The following ZFYVE28 variants were observed in gnomAD, a reference collection of about 807,000 sequenced individuals.
ZFYVE28 encodes the protein zinc finger FYVE-type containing 28, also known as lateral signaling target protein 2 homolog.
In ZFYVE28, 40 loss-of-function variants were observed where a neutral mutation model predicts 82.1. The observed-to-expected ratio is 0.49, with a 90% confidence interval of 0.38 to 0.63. The LOEUF is 0.63. Among genes scored for constraint, ZFYVE28 ranks in the 30% least tolerant of loss-of-function variants. The pLI is 0.00. For missense variants in ZFYVE28, 1,321 were observed against 1,242.1 expected, an observed-to-expected ratio of 1.06 and a Z score of -0.96; for synonymous variants, 612 against 546.1, an observed-to-expected ratio of 1.12 and a Z score of -1.68.
At chr4:2,347,527 G>A (rs1021163763) in intron 2 of ZFYVE28, among the ~76,000 whole-genome samples, 1 of 152,108 alleles carries the variant, frequency 6.6e-6, no homozygotes, top group East Asian at 1.9e-4. Context: ...CATGAAACAA[G>A]CCTCAATACG....
At chr4:2,383,281 GTTCCCCCATAC>G (rs1368770963) in intron 1 of ZFYVE28, among the ~76,000 whole-genome samples, 2 of 152,006 alleles carry the variant, frequency 1.3e-5, no homozygotes, top group Non-Finnish European at 2.9e-5. Context: ...CATAGGGGTG[GTTCCCCCATAC>G]TGTTCTCATG....
In ZFYVE28 at chr4:2,409,655, G is replaced by A. The variant is rs562954216; in HGVS notation, c.39+8630C>T. Among the ~76,000 whole-genome samples the A allele has an allele frequency of 6.6e-5, 10 of 152,264 alleles. No individual in the cohort carries two copies. The highest frequency in any genetic ancestry group is 1.2e-4 in the African/African-American group (5 of 41,472). ...AGATTCCCACTGAGCAGCCCATGCC[G>A]GCGCTGTGAGAAGGCTGAGTCCAGT... is the stretch of plus-strand genomic sequence containing the variant. On this transcript the variant is annotated intron_variant, in intron 1 of 12. Transcript: ENST00000290974. This position sits in a 1 kb window ranked among gnomAD's most constrained non-coding sequence, Gnocchi z 4.4.
At chr4:2,285,375 GAACT>G (rs1488688906) in intron 8 of ZFYVE28, 1 of 152,264 alleles carries the variant, frequency 6.6e-6, no homozygotes, top group Non-Finnish European at 1.5e-5. Flanking sequence ...GCAGCCGGGG[GAACT>G]AACACGTGGC....
At chr4:2,352,401 A>AC (rs1724615084) in intron 2 of ZFYVE28, among the ~76,000 whole-genome samples, 1 of 151,402 alleles carries the variant, frequency 6.6e-6, no homozygotes, top group South Asian at 2.1e-4. Flanking sequence ...GGAAGGGGAG[A>AC]TAGGAGGAGG....
intron 1 of ZFYVE28, among the ~76,000 whole-genome samples, chr4:2,374,150 C>A (rs1237444726): frequency 1.3e-5 from 2 of 152,214 alleles, no homozygotes; most frequent in Non-Finnish European, 2.9e-5. Flanking sequence ...CCCACCATGT[C>A]CGTAGGTGCA....
chr4:2,294,074 C>CT (rs58688626), intron 8 of ZFYVE28, among the ~76,000 whole-genome samples: 33,516 of 137,908 alleles, frequency 0.24, 6,401 homozygotes, highest in African/African-American at 0.54. Context: ...TCCCAGCAGG[C>CT]TTTTTTTTTT....
rs769575616 is a variant in ZFYVE28, at chr4:2,271,750, C to G, written c.2353G>C (p.Glu785Gln). The G allele has an allele frequency of 8.1e-6, 13 of 1,613,690 alleles. No homozygotes were observed. Among genetic ancestry groups the G allele is most frequent in the Non-Finnish European group, 8.5e-7 (1 of 1,179,972 alleles). The change falls in exon 11 of 13, where the codon GAG (glutamate) becomes CAG (glutamine). Residue 785 changes from glutamate (E) to glutamine (Q), a missense_variant. Physicochemically the swap from Glu to Gln is conservative, Grantham distance 29 (BLOSUM62 2). Transcript: ENST00000290974. ...GTCTCCTGGCACAGTGCACAGTCCTCCAAGGCCGCACTCCGCAGAGTCTGG... is the reference window on the plus strand; with the variant it reads ...GTCTCCTGGCACAGTGCACAGTCCTGCAAGGCCGCACTCCGCAGAGTCTGG... Reference protein sequence around the residue: ...VTQTLRSAALEDCALCQETLS... With the variant: ...VTQTLRSAALQDCALCQETLS...
At chr4:2,356,696 AC>A (rs1297811469) in intron 1 of ZFYVE28, among the ~76,000 whole-genome samples, 1 of 151,984 alleles carries the variant, frequency 6.6e-6, no homozygotes, top group African/African-American at 2.4e-5. Flanking sequence ...GGCAGGAGAC[AC>A]TCTTAACCTT....
At chr4:2,318,431 A>ATG (rs1718549032) in intron 7 of ZFYVE28, among the ~76,000 whole-genome samples, 1 of 151,980 alleles carries the variant, frequency 6.6e-6, no homozygotes, top group African/African-American at 2.4e-5. Flanking sequence ...GGTGGCGTAC[A>ATG]CCCGTAATCC....
Position 2,304,326 on chromosome 4 carries a change from A to AG in ZFYVE28, c.2013dup (p.Ser672LeufsTer68), listed in dbSNP as rs1242633108. The AG allele has an allele frequency of 2.5e-6, 4 of 1,601,520 alleles. No homozygotes were observed. Among genetic ancestry groups the AG allele is most frequent in the Non-Finnish European group, 3.4e-6 (4 of 1,178,046 alleles). Reference sequence around the variant, plus strand: ...AGGGCCTGAGGCGCCTCGTGAGCCGAGGGGCTCCCAGCATGCAGCTCTCTG... The same window carrying AG: ...AGGGCCTGAGGCGCCTCGTGAGCCGAGGGGGCTCCCAGCATGCAGCTCTCTG... On this transcript the variant is annotated frameshift_variant, in exon 8 of 13. Transcript: ENST00000290974. LOFTEE classifies it high-confidence loss of function.
chr4:2,327,557 T>A (rs575862569), intron 6 of ZFYVE28, among the ~76,000 whole-genome samples: 1 of 151,336 alleles, frequency 6.6e-6, no homozygotes, highest in Admixed American at 6.6e-5. Flanking sequence ...AGGCACATTC[T>A]TTCTTTTTTT....
chr4:2,336,836 G>T (rs1470676280), intron 5 of ZFYVE28, among the ~76,000 whole-genome samples: 2 of 148,254 alleles, frequency 1.3e-5, no homozygotes, highest in African/African-American at 2.5e-5. Flanking sequence ...GAGGTGAGGA[G>T]TGAGGAGGTG....
At position 2,283,530 on chromosome 4, in the gene ZFYVE28, C is replaced by T. The variant is rs1032405909; in HGVS notation, c.2052-9314G>A. ...TCCACCCACCCATCCATCTAATCAT[C>T]AGTCCATCCATCCATCCATCCATCC... On this transcript the variant is annotated intron_variant, in intron 8 of 12. Transcript: ENST00000290974. 2.0e-5 allele frequency among the ~76,000 whole-genome samples: 3 copies of T among 150,192 alleles called. No individual in the cohort carries two copies. In the South Asian group the frequency reaches 6.4e-4, roughly 32 times the overall value.
At chr4:2,410,938 T>C (rs1732459340) in intron 1 of ZFYVE28, among the ~76,000 whole-genome samples, 1 of 151,576 alleles carries the variant, frequency 6.6e-6, no homozygotes, top group South Asian at 2.1e-4. Context: ...GTATCTGACA[T>C]TTAAGTAGTT....
At chr4:2,324,860 G>A in intron 6 of ZFYVE28, 1 of 166,606 alleles carries the variant, frequency 6.0e-6, no homozygotes, top group African/African-American at 2.4e-5. Flanking sequence ...AATTGTCAGG[G>A]CCCTGAGGAA....
intron 6 of ZFYVE28, among the ~76,000 whole-genome samples, chr4:2,334,218 G>A (rs1419530408): frequency 6.6e-6 from 1 of 152,122 alleles, no homozygotes; most frequent in African/African-American, 2.4e-5. Flanking sequence ...GCTATTGGAG[G>A]GGACTCTGGG....
intron 8 of ZFYVE28, among the ~76,000 whole-genome samples, chr4:2,289,992 C>T (rs1164885228): frequency 6.6e-6 from 1 of 152,192 alleles, no homozygotes; most frequent in East Asian, 1.9e-4. Context: ...CAGACACAGA[C>T]AGACAGTGGA....
intron 7 of ZFYVE28, among the ~76,000 whole-genome samples, chr4:2,317,371 G>A (rs1266832931): frequency 6.6e-6 from 1 of 152,192 alleles, no homozygotes; most frequent in Non-Finnish European, 1.5e-5. Flanking sequence ...TTTTCCACCA[G>A]AGGGGACTAC....
At chr4:2,378,385 T>C (rs1728387013) in intron 1 of ZFYVE28, among the ~76,000 whole-genome samples, 1 of 152,186 alleles carries the variant, frequency 6.6e-6, no homozygotes, top group African/African-American at 2.4e-5. Flanking sequence ...GGGACCACCA[T>C]TGTATATGTG....
Sources: allele counts gnomAD v4.1 joint callset (sites outside exome capture counted in the v4.1 genomes callset), GRCh38; gene constraint gnomAD v4.1.1; non-coding constraint Gnocchi (gnomAD v3.1); transcripts MANE v1.5; gene names NCBI Gene and HGNC (gene_info 2026-07-23, HGNC 2026-07-21).